NRXN3: variants seen among roughly 807,000 people sequenced by gnomAD.
NRXN3 encodes neurexin 3, also known as neurexin III.
Under a neutral mutation model 137.6 loss-of-function variants are expected in NRXN3, and 32 were observed. The observed-to-expected ratio is 0.23, with a 90% confidence interval of 0.18 to 0.31. The LOEUF (loss-of-function observed/expected upper bound fraction) is 0.31. Among genes scored for constraint, NRXN3 ranks in the 10% least tolerant of loss-of-function variants. The pLI, the probability that NRXN3 is intolerant of heterozygous loss-of-function variation, is 1.00. For synonymous variants in NRXN3, 798 were observed against 784.5 expected, an observed-to-expected ratio of 1.02 and a Z score of -0.29; for missense variants, 1,574 against 2,062.5, an observed-to-expected ratio of 0.76 and a Z score of 4.59.
In NRXN3 at chr14:79,623,258, CAT is replaced by C. The variant is rs1334424781; in HGVS notation, c.3445-40519_3445-40518del. 8.5e-5 allele frequency among the ~76,000 whole-genome samples: 13 copies of C among 152,196 alleles called. 1 individual carries two copies. Among genetic ancestry groups the C allele is most frequent in the Non-Finnish European group, 1.5e-4 (10 of 68,038 alleles). On this transcript the variant is annotated intron_variant, in intron 16 of 20. Transcript: ENST00000335750. The stretch of plus-strand genomic sequence containing the variant: ...AGATGCATACAGCAGCATATGAACA[CAT>C]GTTTACCCTCCTTGGCCACACTTTG...
intron 10 of NRXN3, among the ~76,000 whole-genome samples, chr14:78,956,483 G>C (rs1299457175): frequency 6.6e-6 from 1 of 152,014 alleles, no homozygotes; most frequent in East Asian, 1.9e-4. Context: ...GAGACAACTT[G>C]GTTTATTCCT....
intron 3 of NRXN3, among the ~76,000 whole-genome samples, chr14:78,287,619 A>G (rs1254213877): frequency 6.6e-6 from 1 of 152,138 alleles, no homozygotes; most frequent in African/African-American, 2.4e-5. Flanking sequence ...TAGCTTTTCC[A>G]TTCCATTCCA....
intron 16 of NRXN3, among the ~76,000 whole-genome samples, chr14:79,519,732 T>C (rs1050103778): frequency 1.3e-5 from 2 of 151,760 alleles, no homozygotes; most frequent in African/African-American, 2.4e-5. Flanking sequence ...CATCTAGTTA[T>C]TACACTGTGA....
chr14:79,554,070 A>G (rs888916836), intron 16 of NRXN3, among the ~76,000 whole-genome samples: 1 of 152,198 alleles, frequency 6.6e-6, no homozygotes, highest in Non-Finnish European at 1.5e-5. Context: ...AATGTAAAAT[A>G]CCAATTTTGT....
intron 15 of NRXN3, among the ~76,000 whole-genome samples, chr14:79,272,943 C>A (rs991588013): frequency 2.0e-5 from 3 of 151,968 alleles, no homozygotes; most frequent in Non-Finnish European, 4.4e-5. Context: ...GAGGCCAAGA[C>A]GAGCGGATCA....
At chr14:79,813,455 A>G (rs1388453779) in intron 20 of NRXN3, among the ~76,000 whole-genome samples, 4 of 152,068 alleles carry the variant, frequency 2.6e-5, no homozygotes, top group Non-Finnish European at 4.4e-5. Context: ...CATATTTACT[A>G]TTTTGATCAT....
intron 4 of NRXN3, among the ~76,000 whole-genome samples, chr14:78,511,057 C>G (rs1230385208): frequency 1.3e-5 from 2 of 152,136 alleles, no homozygotes; most frequent in Non-Finnish European, 2.9e-5. Context: ...TAACCCAGTG[C>G]CTTCTTATTT....
intron 15 of NRXN3, among the ~76,000 whole-genome samples, chr14:79,423,847 G>A (rs2095617284): frequency 6.6e-6 from 1 of 152,196 alleles, no homozygotes; most frequent in Non-Finnish European, 1.5e-5. Context: ...CCTTTCTGCT[G>A]GCTCTGAAAT....
chr14:79,274,878 G>A (rs1181281098), intron 15 of NRXN3, among the ~76,000 whole-genome samples: 2 of 152,102 alleles, frequency 1.3e-5, no homozygotes, highest in Non-Finnish European at 2.9e-5. Flanking sequence ...TTATTAGAAG[G>A]ATAAGTTAAA....
chr14:79,481,543 G>C (rs896870100), intron 16 of NRXN3, among the ~76,000 whole-genome samples: 1 of 152,158 alleles, frequency 6.6e-6, no homozygotes, highest in African/African-American at 2.4e-5. Context: ...GTAATGCAGT[G>C]GTATGTGTGT....
chr14:78,687,833 C>A (rs140068502), intron 6 of NRXN3, among the ~76,000 whole-genome samples: 1 of 152,304 alleles, frequency 6.6e-6, no homozygotes, highest in East Asian at 1.9e-4. Context: ...AATCATATGG[C>A]TCCATCCTGC....
chr14:78,172,175 G>A (rs910801177), intron 1 of NRXN3, among the ~76,000 whole-genome samples: 2 of 152,066 alleles, frequency 1.3e-5, no homozygotes, highest in African/African-American at 4.8e-5. Flanking sequence ...TCAGATGACC[G>A]TTTGCCTTTG....
At chr14:79,041,281 T>G (rs2152532881) in intron 15 of NRXN3, among the ~76,000 whole-genome samples, 1 of 152,308 alleles carries the variant, frequency 6.6e-6, no homozygotes, top group South Asian at 2.1e-4. Flanking sequence ...TGAAATAATG[T>G]ATGTCAAAGA....
intron 15 of NRXN3, among the ~76,000 whole-genome samples, chr14:79,158,378 G>A (rs1171169155): frequency 6.6e-6 from 1 of 151,634 alleles, no homozygotes; most frequent in African/African-American, 2.4e-5. Context: ...ATCAATTTAG[G>A]GCAGAAATCA....
intron 15 of NRXN3, among the ~76,000 whole-genome samples, chr14:79,045,956 G>T (rs2099632511): frequency 6.6e-6 from 1 of 152,098 alleles, no homozygotes; most frequent in Non-Finnish European, 1.5e-5. Flanking sequence ...AATGTTCCTG[G>T]TGTAAAGGAA....
chr14:78,503,637 A>G (rs983865837), intron 4 of NRXN3, among the ~76,000 whole-genome samples: 7 of 152,146 alleles, frequency 4.6e-5, no homozygotes, highest in African/African-American at 1.7e-4. Context: ...CAGCAGGATC[A>G]GGATTAGGGC....
chr14:79,701,881 T>A (rs1363100496), intron 19 of NRXN3, among the ~76,000 whole-genome samples: 1 of 152,066 alleles, frequency 6.6e-6, no homozygotes. Context: ...ACTGAGTTGA[T>A]ATAAGTAAAA....
In NRXN3 at chr14:79,197,769, C is replaced by G. The variant is rs186160293; in HGVS notation, c.3262+209628C>G. On this transcript the variant is annotated intron_variant, in intron 15 of 20. Coordinates refer to ENST00000335750, the MANE Select transcript of NRXN3 (RefSeq NM_001330195.2). ...GGTGGCAAACAACAAAGATGTTTCC[C>G]GCAAGGAATTTGAGTCTTCCTTTCA... 5.1e-3 allele frequency among the ~76,000 whole-genome samples: 769 copies of G among 152,148 alleles called. 3 individuals carry two copies. Among genetic ancestry groups the G allele is most frequent in the African/African-American group, 0.018 (741 of 41,514 alleles).
At position 78,905,676 on chromosome 14, in the gene NRXN3, T is replaced by C. The variant is rs372130560; in HGVS notation, c.2276-51566T>C. Among the ~76,000 whole-genome samples the C allele has an allele frequency of 3.3e-4, 50 of 152,178 alleles. No individual in the cohort carries two copies. In the South Asian group the frequency reaches 7.9e-3, roughly 24 times the overall value. ...TAAAAGTCTAACTGTTTGATCTTGG[T>C]AAGGTAAAATGTAATCATTTTGATG... On this transcript the variant is annotated intron_variant, in intron 10 of 20. Transcript: ENST00000335750.
Sources: allele counts gnomAD v4.1 joint callset (sites outside exome capture counted in the v4.1 genomes callset), GRCh38; gene constraint gnomAD v4.1.1; transcripts MANE v1.5; gene names NCBI Gene and HGNC (gene_info 2026-07-23, HGNC 2026-07-21).